The following LARP4 variants were observed in gnomAD, a reference collection of about 807,000 sequenced individuals.
LARP4 encodes the protein La ribonucleoprotein 4.
A neutral mutation model predicts 92.9 loss-of-function variants in LARP4; 29 were observed. The ratio of observed to expected loss-of-function variants is 0.31; its 90% confidence interval spans 0.23 to 0.43. The LOEUF (loss-of-function observed/expected upper bound fraction) is 0.43. LARP4 is among the 20% of genes least tolerant of loss of function. The pLI is 1.00. For synonymous variants in LARP4, 279 were observed against 284.1 expected (o/e 0.98, Z 0.18); for missense variants, 732 against 860.0 (o/e 0.85, Z 1.86).
chr12:50,470,186 T>C (rs1300073685), intron 13 of LARP4, among the ~76,000 whole-genome samples: 1 of 151,154 alleles, frequency 6.6e-6, no homozygotes. Context: ...ATCACACCAC[T>C]GTACTCCAGC....
chr12:50,428,759 T>C (rs570106022), intron 2 of LARP4, among the ~76,000 whole-genome samples, 176 bp from the exon 3 acceptor site: 1 of 152,354 alleles, frequency 6.6e-6, no homozygotes, highest in Non-Finnish European at 1.5e-5. Flanking sequence ...TTAGTTTATC[T>C]GTAATTGTCA....
At chr12:50,461,638 T>A (rs1443615586) in intron 11 of LARP4, 1 of 153,450 alleles carries the variant, frequency 6.5e-6, no homozygotes, top group Non-Finnish European at 1.4e-5. Context: ...ATTTGCCTTA[T>A]GGTTTTAATT....
At chr12:50,465,841 C>G (rs996077682) in intron 12 of LARP4, among the ~76,000 whole-genome samples, 1 of 152,028 alleles carries the variant, frequency 6.6e-6, no homozygotes, top group Non-Finnish European at 1.5e-5. Context: ...CACCAAAAAG[C>G]AAAACAGGTT....
At chr12:50,460,827 C>T (rs1250974974) in intron 10 of LARP4, among the ~76,000 whole-genome samples, 1 of 152,118 alleles carries the variant, frequency 6.6e-6, no homozygotes, top group Non-Finnish European at 1.5e-5. Flanking sequence ...CCTGTAGTCC[C>T]AGCTACTTGG....
At chr12:50,432,563 A>C (rs567140049) in intron 4 of LARP4, among the ~76,000 whole-genome samples, 6 of 152,170 alleles carry the variant, frequency 3.9e-5, no homozygotes, top group African/African-American at 1.4e-4. Flanking sequence ...CTGCTTGAAA[A>C]TCTGGCAGTG....
rs1223526365 is a variant in LARP4 at position 50,477,462 on chromosome 12, T to C, written c.*1598T>C. 6.6e-6 allele frequency: 1 copy of C among 152,494 alleles called. No homozygotes were observed. Among genetic ancestry groups the C allele is most frequent in the African/African-American group, 2.4e-5 (1 of 41,426 alleles). The allele number at this position is 152,494 out of a possible 1,614,324, so 9.4% of individuals were successfully genotyped here. On this transcript the variant is annotated 3_prime_UTR_variant, in exon 16 of 16. Coordinates refer to ENST00000398473, the MANE Select transcript of LARP4 (RefSeq NM_052879.5). ...AAATTGTGAACACTGGAAAGCACCA[T>C]TGTGACATAGAGTAAACATCTTAGT...
At position 50,432,519 on chromosome 12, in the gene LARP4, T is replaced by A. The variant is rs1355691890; in HGVS notation, c.398+1949T>A. ...GAGATTTAGATCTCTAATACAGAGG[T>A]TTGAGATTTAGCTCTTTAACTTCCT... On this transcript the variant is annotated intron_variant, in intron 4 of 15. Coordinates refer to ENST00000398473, the MANE Select transcript of LARP4 (RefSeq NM_052879.5). Among the ~76,000 whole-genome samples, 8 of 152,030 alleles carry A rather than the reference T, an allele frequency of 5.3e-5. No homozygotes were observed. In the East Asian group the frequency reaches 1.5e-3, roughly 29 times the overall value.
chr12:50,443,552 C>G (rs753377476), intron 8 of LARP4, among the ~76,000 whole-genome samples: 1 of 152,088 alleles, frequency 6.6e-6, no homozygotes, highest in African/African-American at 2.4e-5. Flanking sequence ...CAGATGTGAG[C>G]CACCACACCA....
chr12:50,401,274 G>GC, intron 1 of LARP4: 1 of 563,554 alleles, frequency 1.8e-6, no homozygotes, highest in Non-Finnish European at 3.2e-6. Flanking sequence ...GGCTGTTCTG[G>GC]TGTGGCGGTG....
At chr12:50,428,667 T>C (rs1427992787) in intron 2 of LARP4, among the ~76,000 whole-genome samples, 1 of 152,238 alleles carries the variant, frequency 6.6e-6, no homozygotes, top group Non-Finnish European at 1.5e-5. Context: ...CACAGGATTT[T>C]CTGATAATTA....
In LARP4 at chr12:50,427,899, T is replaced by C; in HGVS notation, c.156T>C (p.Ala52=). 1 of 1,590,132 alleles carries C rather than the reference T, an allele frequency of 6.3e-7. No individual in the cohort carries two copies. The highest frequency in any genetic ancestry group is 1.3e-5 in the African/African-American group (1 of 74,694). ...ATGAAATAGCAGCTACATCAGGTGCTCATCCTGAGGGTAAGTCTTAAATAT... is the reference window on the plus strand; with the variant it reads ...ATGAAATAGCAGCTACATCAGGTGCCCATCCTGAGGGTAAGTCTTAAATAT... ...SWHEIAATSG[A]HPEGNAELSE... is the part of the protein sequence containing the mutation. Residue 52 remains alanine (A), a synonymous_variant, in exon 2 of 16, where the codon GCT becomes GCC. Transcript: ENST00000398473.
At chr12:50,420,947 C>CTTTTTTTTTTTTTTTT (rs71083567) in intron 1 of LARP4, 12 of 111,434 alleles carry the variant, frequency 1.1e-4, no homozygotes, top group African/African-American at 3.8e-4. Context: ...ATAACCTTTG[C>CTTTTTTTTTTTTTTTT]TTTTTTTTTT....
chr12:50,430,533 G>A lies in LARP4; in HGVS notation c.361G>A (p.Glu121Lys). 1.2e-6 allele frequency: 2 copies of A among 1,608,004 alleles called. No individual in the cohort carries two copies. The highest frequency in any genetic ancestry group is 2.2e-5 in the South Asian group (2 of 90,230). Residue 121 changes from glutamate (E) to lysine (K), a missense_variant, in exon 4 of 16, where the codon GAA (glutamate) becomes AAA (lysine). Coordinates refer to ENST00000398473, the MANE Select transcript of LARP4 (RefSeq NM_052879.5). ...AGCAGTTTCTACAGAAGACCTAAAA[G>A]AATGTCTGAAGAAACAATTAGAATT... ...NSAVSTEDLKECLKKQLEFCF... is the reference protein window; with the variant it reads ...NSAVSTEDLKKCLKKQLEFCF...
intron 13 of LARP4, among the ~76,000 whole-genome samples, chr12:50,468,119 A>T (rs1048365087): frequency 6.6e-6 from 1 of 151,950 alleles, no homozygotes; most frequent in African/African-American, 2.4e-5. Flanking sequence ...AGCTGGGATT[A>T]TAGGCATGTG....
rs1431983611 is a variant in LARP4, at chr12:50,476,879, T to G, written c.*1015T>G. ...ATTTCAGAATTGAACATTGAAGTAT[T>G]AACTCTTCTGTTCACACATTTAGAA... On this transcript the variant is annotated 3_prime_UTR_variant, in exon 16 of 16. Coordinates refer to ENST00000398473, the MANE Select transcript of LARP4 (RefSeq NM_052879.5). The G allele has an allele frequency of 2.0e-5, 3 of 152,416 alleles. No homozygotes were observed. Among genetic ancestry groups the G allele is most frequent in the African/African-American group, 7.2e-5 (3 of 41,462 alleles). The allele number at this position is 152,416 out of a possible 1,614,324, so 9.4% of individuals were successfully genotyped here.
At chr12:50,426,022 G>T (rs927711692) in intron 1 of LARP4, among the ~76,000 whole-genome samples, 1 of 151,922 alleles carries the variant, frequency 6.6e-6, no homozygotes, top group African/African-American at 2.4e-5. Flanking sequence ...CTCTCATATT[G>T]CATCCGGTTC....
At chr12:50,421,525 C>A (rs1422335625) in intron 1 of LARP4, among the ~76,000 whole-genome samples, 1 of 151,838 alleles carries the variant, frequency 6.6e-6, no homozygotes, top group African/African-American at 2.4e-5. Context: ...GCCTGTAATC[C>A]CAGTTTCTCT....
At chr12:50,455,338 G>A (rs1038815909) in intron 10 of LARP4, among the ~76,000 whole-genome samples, 19 of 152,114 alleles carry the variant, frequency 1.2e-4, no homozygotes, top group African/African-American at 4.6e-4. Context: ...AAATTGCTAG[G>A]ATTACAGGCG....
At position 50,463,418 on chromosome 12, in the gene LARP4, TCC is replaced by T. The variant is rs1458890853; in HGVS notation, c.1383+789_1383+790del. Reference sequence around the variant, plus strand: ...GGGCAAGGTGATGAAACCCCATCTCTCCAAAAAAAAAAAAAAAAAAAAAAAAA... The same window carrying T: ...GGGCAAGGTGATGAAACCCCATCTCTAAAAAAAAAAAAAAAAAAAAAAAAA... On this transcript the variant is annotated intron_variant, in intron 12 of 15. Transcript: ENST00000398473. Among the ~76,000 whole-genome samples, 154 of 32,212 alleles carry T rather than the reference TCC, an allele frequency of 4.8e-3. 16 individuals carry two copies. Among genetic ancestry groups the T allele is most frequent in the East Asian group, 0.011 (9 of 828 alleles). The allele number at this position is 32,212 out of a possible 152,430, so 21.1% of individuals were successfully genotyped here. A position where few individuals can be genotyped will look rare whatever the true frequency, so the allele number is the denominator to read the frequency against.
Sources: allele counts gnomAD v4.1 joint callset (sites outside exome capture counted in the v4.1 genomes callset), GRCh38; gene constraint gnomAD v4.1.1; transcripts MANE v1.5; gene names NCBI Gene and HGNC (gene_info 2026-07-23, HGNC 2026-07-21).